URI1: variants seen among roughly 807,000 people sequenced by gnomAD.
URI1 encodes URI1 prefoldin like chaperone.
A neutral mutation model predicts 60.2 loss-of-function variants in URI1; 39 were observed. The observed-to-expected ratio is 0.65, with a 90% CI of 0.50 to 0.85. The LOEUF (loss-of-function observed/expected upper bound fraction) is 0.85, where lower values mean the gene tolerates loss of function less well. Among genes scored for constraint, URI1 ranks in the 40% least tolerant of loss-of-function variants. The pLI is 0.00. For missense variants in URI1, 691 were observed against 665.9 expected (o/e 1.04, Z -0.42); for synonymous variants, 251 against 236.8 (o/e 1.06, Z -0.55).
intron 1 of URI1, among the ~76,000 whole-genome samples, chr19:29,936,620 A>C (rs948645644): frequency 6.6e-6 from 1 of 152,140 alleles, no homozygotes; most frequent in Non-Finnish European, 1.5e-5. Context: ...AAATTTGGGA[A>C]GTTTTCAGCC....
At chr19:29,968,354 T>C (rs1433585345) in intron 1 of URI1, among the ~76,000 whole-genome samples, 1 of 152,076 alleles carries the variant, frequency 6.6e-6, no homozygotes, top group East Asian at 1.9e-4. Flanking sequence ...ATGAAATGTT[T>C]TTGTTTCTTT....
intron 1 of URI1, among the ~76,000 whole-genome samples, chr19:29,953,855 GT>G (rs919207724): frequency 1.8e-4 from 27 of 149,334 alleles, no homozygotes; most frequent in South Asian, 1.3e-3. Context: ...AATAAAATGA[GT>G]TTTTTTTTTC....
At chr19:30,006,983 G>T (rs2055951545) in intron 6 of URI1, among the ~76,000 whole-genome samples, 1 of 151,970 alleles carries the variant, frequency 6.6e-6, no homozygotes, top group African/African-American at 2.4e-5. Flanking sequence ...TCATTCCTTG[G>T]CAGTGCCCTG....
At chr19:29,987,250 T>C (rs1047238230) in intron 4 of URI1, among the ~76,000 whole-genome samples, 1 of 152,210 alleles carries the variant, frequency 6.6e-6, no homozygotes, top group Non-Finnish European at 1.5e-5. Context: ...GATCCTTTTT[T>C]ATAAATAAGG....
At chr19:29,938,398 C>T (rs2054992083), upstream of URI1, among the ~76,000 whole-genome samples, 1 of 152,188 alleles carries the variant, frequency 6.6e-6, no homozygotes, top group African/African-American at 2.4e-5. Flanking sequence ...GAACTCATTA[C>T]TGCAGAAGAG....
At chr19:29,940,656 A>AG (rs913823293), upstream of URI1, among the ~76,000 whole-genome samples, 2 of 152,004 alleles carry the variant, frequency 1.3e-5, no homozygotes, top group Admixed American at 1.3e-4. Context: ...GAACCTTCCC[A>AG]GAAGCCTCCA....
rs2055085444 is a variant in URI1 at position 29,945,006 on chromosome 19, AG to A, written c.117+2346del. 2.0e-5 allele frequency among the ~76,000 whole-genome samples: 3 copies of A among 152,140 alleles called. No individual in the cohort carries two copies. In the South Asian group the frequency reaches 6.2e-4, roughly 32 times the overall value. On this transcript the variant is annotated intron_variant, in intron 1 of 10. Coordinates refer to ENST00000392271, the MANE Select transcript of URI1 (RefSeq NM_003796.3). ...AGCGTAGTGACATCCTGAGTGTAGA[AG>A]GGGAAAATGTCATAGTAGCTTCATA...
intron 4 of URI1, among the ~76,000 whole-genome samples, chr19:29,994,013 C>CT (rs1046166527): frequency 9.3e-5 from 14 of 150,268 alleles, no homozygotes; most frequent in East Asian, 5.9e-4. Flanking sequence ...GATCGTCTTC[C>CT]TTTTTTTTTG....
At chr19:29,978,318 C>T (rs749581532) in intron 2 of URI1, among the ~76,000 whole-genome samples, 5 of 152,100 alleles carry the variant, frequency 3.3e-5, no homozygotes, top group Non-Finnish European at 7.4e-5. Flanking sequence ...TTGATGACGA[C>T]GTGTTTCCAG....
intron 1 of URI1, chr19:29,956,366 G>C: frequency 1.7e-6 from 2 of 1,164,324 alleles, no homozygotes; most frequent in Non-Finnish European, 1.2e-6. Context: ...GTATGTCTTA[G>C]GAGTCATCTG....
In URI1 at chr19:30,016,416, A is replaced by G. The variant is rs2056086172; in HGVS notation, c.*1347A>G. On this transcript the variant is annotated 3_prime_UTR_variant, in exon 11 of 11. Transcript: ENST00000392271. ...ATTTTGTAGGTAAATCTTTCAGTCC[A>G]TGCCCCAACCCTCACCAAAACCAAA... 6.6e-6 allele frequency: 1 copy of G among 152,170 alleles called. No individual in the cohort carries two copies. The allele number at this position is 152,170 out of a possible 1,614,324, so 9.4% of individuals were successfully genotyped here.
intron 4 of URI1, among the ~76,000 whole-genome samples, chr19:29,991,127 G>A (rs749885683): frequency 1.3e-5 from 2 of 152,024 alleles, no homozygotes; most frequent in Non-Finnish European, 2.9e-5. Context: ...GAAACCACTC[G>A]CTTATGTTTA....
In URI1 at chr19:29,988,645, A is replaced by G. The variant is rs191329865; in HGVS notation, c.367+2228A>G. Among the ~76,000 whole-genome samples the G allele has an allele frequency of 5.3e-5, 8 of 152,334 alleles. No homozygotes were observed. In the East Asian group the frequency reaches 1.5e-3, roughly 29 times the overall value. ...TGCTGAGGAGTGTTCCGTTACATGC[A>G]TATCTATTAAATGCACGTACAGCAG... On this transcript the variant is annotated intron_variant, in intron 4 of 10. Transcript: ENST00000392271.
chr19:29,926,130 A>G (rs1363293760), intron 1 of URI1, among the ~76,000 whole-genome samples: 3 of 151,144 alleles, frequency 2.0e-5, no homozygotes, highest in Non-Finnish European at 2.9e-5. Flanking sequence ...TAGGTTTTTA[A>G]GGAACAGGTG....
chr19:29,971,348 A>G, intron 2 of URI1, 121 bp downstream of exon 2: 1 of 931,548 alleles, frequency 1.1e-6, no homozygotes, highest in Non-Finnish European at 1.7e-6. Context: ...GAATTCTTCT[A>G]GTAGTCTCCA....
rs1176883928 is a variant in URI1 at position 30,015,520 on chromosome 19, T to C, written c.*451T>C. ...ACATTTTAAAGGCACTTTAAAAAAA[T>C]CTACTTCTCTTGTAGGTTTTGCGGC... On this transcript the variant is annotated 3_prime_UTR_variant, in exon 11 of 11. Transcript: ENST00000392271. The C allele has an allele frequency of 1.3e-6, 2 of 1,532,608 alleles. No individual in the cohort carries two copies. The highest frequency in any genetic ancestry group is 2.7e-5 in the African/African-American group (2 of 72,824). The allele number at this position is 1,532,608 out of a possible 1,614,324, so 94.9% of individuals were successfully genotyped here.
chr19:30,008,907 C>A, intron 7 of URI1, 98 bp from the exon 8 acceptor site: 1 of 938,196 alleles, frequency 1.1e-6, no homozygotes, highest in South Asian at 2.3e-5. Flanking sequence ...ATACTTTATT[C>A]AAGATCTTAG....
chr19:29,949,600 T>C (rs2055152057), intron 1 of URI1, among the ~76,000 whole-genome samples: 2 of 152,184 alleles, frequency 1.3e-5, no homozygotes, highest in Non-Finnish European at 2.9e-5. Flanking sequence ...ATCACGCCAC[T>C]GCACTCCAGC....
Position 30,009,192 on chromosome 19 carries a change from G to C in URI1, c.874G>C (p.Gly292Arg), listed in dbSNP as rs376103188. The change falls in exon 8 of 11, where the codon GGT becomes CGT. Residue 292 changes from glycine to arginine, a missense_variant. By Grantham distance (125) the Gly-to-Arg change is moderately radical (BLOSUM62 -2). Coordinates refer to ENST00000392271, the MANE Select transcript of URI1 (RefSeq NM_003796.3). The stretch of plus-strand genomic sequence containing the variant: ...TAGTCAGTTGAACTGTTCAGTGAAT[G>C]GTTCCAGTTCTTACCACAGTGATGA... The part of the protein sequence containing the change: ...VNSQLNCSVN[G>R]SSSYHSDDDD... 3.8e-5 allele frequency: 62 copies of C among 1,613,022 alleles called. No individual in the cohort carries two copies. Among genetic ancestry groups the C allele is most frequent in the Non-Finnish European group, 5.0e-5 (59 of 1,179,852 alleles).
Sources: gnomAD v4.1 joint callset for allele counts (sites outside exome capture counted in the v4.1 genomes callset) on GRCh38, gnomAD v4.1.1 for gene constraint, MANE v1.5 for transcripts, NCBI Gene and HGNC (gene_info 2026-07-23, HGNC 2026-07-21) for gene names.